NBAS: variants seen among roughly 807,000 people sequenced by gnomAD.
NBAS encodes NBAS subunit of NRZ tethering complex, also known as NAG/BC035112 fusion.
In NBAS, 219 loss-of-function variants were observed where a neutral mutation model predicts 302.5. The observed-to-expected ratio is 0.72, with a 90% CI of 0.65 to 0.81. The LOEUF (loss-of-function observed/expected upper bound fraction) is 0.81, where lower values mean the gene tolerates loss of function less well. NBAS is among the 30% of genes least tolerant of loss of function. The pLI, the probability that NBAS is intolerant of heterozygous loss-of-function variation, is 0.00. For synonymous variants in NBAS, 1,118 were observed against 1,021.6 expected (o/e 1.09, Z -1.80); for missense variants, 2,932 against 2,841.6 (o/e 1.03, Z -0.72).
intron 36 of NBAS, 151 bp from the exon 37 acceptor site, chr2:15,328,463 TAA>T (rs756670284): frequency 1.4e-6 from 1 of 693,240 alleles, no homozygotes; most frequent in Non-Finnish European, 2.5e-6. Context: ...TCCCACGACC[TAA>T]AAAGAGAGCC....
At chr2:15,403,960 C>CA (rs1431668314) in intron 25 of NBAS, among the ~76,000 whole-genome samples, 1 of 147,772 alleles carries the variant, frequency 6.8e-6, no homozygotes, top group African/African-American at 2.5e-5. Context: ...AGGCTGGTCT[C>CA]AAACCCCTGG....
the NBAS span, among the ~76,000 whole-genome samples, chr2:14,834,618 G>T: frequency 6.6e-6 from 1 of 152,122 alleles, no homozygotes; most frequent in Non-Finnish European, 1.5e-5. Context: ...CTACAGTAAG[G>T]TTACAAAAGT....
At chr2:14,992,146 T>C in the NBAS span, among the ~76,000 whole-genome samples, 2 of 152,174 alleles carry the variant, frequency 1.3e-5, no homozygotes, top group Non-Finnish European at 2.9e-5. Context: ...ATTGGTGACA[T>C]AATATGTGTG....
At chr2:15,202,267 A>G (rs1202779548) in intron 48 of NBAS, among the ~76,000 whole-genome samples, 2 of 152,208 alleles carry the variant, frequency 1.3e-5, no homozygotes, top group African/African-American at 4.8e-5. Flanking sequence ...TTATTTTATT[A>G]TACCTGTAAA....
At chr2:15,278,767 T>C (rs939330490) in intron 42 of NBAS, among the ~76,000 whole-genome samples, 9 of 152,236 alleles carry the variant, frequency 5.9e-5, no homozygotes, top group Non-Finnish European at 1.2e-4. Context: ...GGGCACAAAA[T>C]TATAGTCCAA....
intron 44 of NBAS, among the ~76,000 whole-genome samples, chr2:15,248,278 A>C (rs1327424034): frequency 6.6e-6 from 1 of 152,246 alleles, no homozygotes; most frequent in Non-Finnish European, 1.5e-5. Flanking sequence ...ACAATGTACC[A>C]GAATCTCTGG....
chr2:15,369,019 A>T (rs1674357550), intron 31 of NBAS, among the ~76,000 whole-genome samples: 1 of 152,210 alleles, frequency 6.6e-6, no homozygotes, highest in Non-Finnish European at 1.5e-5. Flanking sequence ...CAATAAAAAC[A>T]CTATGGGTTT....
the NBAS span, among the ~76,000 whole-genome samples, chr2:14,958,397 T>G: frequency 6.6e-6 from 1 of 152,314 alleles, no homozygotes; most frequent in East Asian, 1.9e-4. Context: ...AGCAGAACTC[T>G]GAGAGAAAAT....
At chr2:15,086,216 C>CA in the NBAS span, among the ~76,000 whole-genome samples, 1 of 152,160 alleles carries the variant, frequency 6.6e-6, no homozygotes, top group African/African-American at 2.4e-5. Context: ...TCAGGAAGAC[C>CA]AGTTGCAGAG....
chr2:14,850,008 A>T, the NBAS span, among the ~76,000 whole-genome samples: 4 of 139,476 alleles, frequency 2.9e-5, no homozygotes, highest in South Asian at 2.1e-4. Flanking sequence ...GACTAGGAAG[A>T]AACTGCATCA....
Position 15,553,430 on chromosome 2 carries a change from T to G in NBAS, c.331A>C (p.Ile111Leu), listed in dbSNP as rs2148712035. The stretch of plus-strand genomic sequence containing the variant: ...ATGAATAATATTAACAATTACCTGA[T>G]TTCCACACACTGATCTTGAACAGCA... Reference protein sequence around the residue: ...LAAVQDQCVEIRSAKDDFTSI... With the variant: ...LAAVQDQCVELRSAKDDFTSI... Residue 111 changes from isoleucine (I) to leucine (L), a missense_variant, in exon 5 of 52, where the codon ATC becomes CTC. Physicochemically the swap from Ile to Leu is conservative, Grantham distance 5. Coordinates refer to ENST00000281513, the MANE Select transcript of NBAS (RefSeq NM_015909.4). 1 of 1,608,022 alleles carries G rather than the reference T, an allele frequency of 6.2e-7. No homozygotes were observed. The highest frequency in any genetic ancestry group is 1.1e-5 in the South Asian group (1 of 90,922).
At chr2:15,173,071 A>G (rs80120987) in intron 51 of NBAS, among the ~76,000 whole-genome samples, 4,343 of 152,264 alleles carry the variant, frequency 0.029, 146 homozygotes, top group East Asian at 0.15. Context: ...TGAGAAAAGG[A>G]TTTTCTAGAA....
intron 28 of NBAS, among the ~76,000 whole-genome samples, chr2:15,388,824 TA>T (rs1675441541): frequency 1.3e-5 from 2 of 152,180 alleles, no homozygotes; most frequent in Admixed American, 1.3e-4. Context: ...AAACTAATGT[TA>T]TACCAACAAT....
At chr2:15,071,521 G>A in the NBAS span, among the ~76,000 whole-genome samples, 1 of 151,586 alleles carries the variant, frequency 6.6e-6, no homozygotes, top group African/African-American at 2.4e-5. Context: ...CTACTCGGGG[G>A]ACTGAGGCAG....
At chr2:15,239,975 A>C (rs1261171904) in intron 44 of NBAS, among the ~76,000 whole-genome samples, 2 of 152,174 alleles carry the variant, frequency 1.3e-5, no homozygotes, top group African/African-American at 4.8e-5. Context: ...TTGTTGATGG[A>C]GGAAGCAGAC....
At chr2:14,863,842 C>T in the NBAS span, among the ~76,000 whole-genome samples, 1 of 152,216 alleles carries the variant, frequency 6.6e-6, no homozygotes, top group Non-Finnish European at 1.5e-5. Flanking sequence ...AAGCTTACTA[C>T]CTTCCTGCAG....
the NBAS span, among the ~76,000 whole-genome samples, chr2:14,800,976 T>G: frequency 2.6e-5 from 4 of 152,076 alleles, no homozygotes; most frequent in African/African-American, 9.7e-5. Context: ...TTAGGAAAAG[T>G]ATTGATTTTC....
chr2:15,502,241 G>T (rs993312204), intron 11 of NBAS, among the ~76,000 whole-genome samples: 1 of 152,130 alleles, frequency 6.6e-6, no homozygotes, highest in African/African-American at 2.4e-5. Context: ...GCCAGTGTAG[G>T]TAATGCAAAC....
intron 40 of NBAS, among the ~76,000 whole-genome samples, chr2:15,302,486 A>T (rs557660303): frequency 2.7e-4 from 41 of 152,180 alleles, no homozygotes; most frequent in African/African-American, 9.9e-4. Flanking sequence ...AATGACTCTG[A>T]ACAGCGGCTA....
Sources: allele counts gnomAD v4.1 joint callset (sites outside exome capture counted in the v4.1 genomes callset), GRCh38; gene constraint gnomAD v4.1.1; transcripts MANE v1.5; gene names NCBI Gene and HGNC (gene_info 2026-07-23, HGNC 2026-07-21).